The following MBOAT2 variants were observed in gnomAD, a reference collection of about 807,000 sequenced individuals.
MBOAT2 encodes the protein membrane-bound glycerophospholipid O-acyltransferase 2.
Under a neutral mutation model 63.4 loss-of-function variants are expected in MBOAT2, and 28 were observed. The observed-to-expected ratio is 0.44, with a 90% confidence interval of 0.33 to 0.61. MBOAT2 has a LOEUF of 0.61. Among genes scored for constraint, MBOAT2 ranks in the 20% least tolerant of loss-of-function variants. MBOAT2 has a pLI of 0.03. For synonymous variants in MBOAT2, 211 were observed against 215.6 expected, an observed-to-expected ratio of 0.98 and a Z score of 0.19; for missense variants, 470 against 605.8, an observed-to-expected ratio of 0.78 and a Z score of 2.35.
chr2:8,975,991 G>A (rs1304813589), intron 1 of MBOAT2, among the ~76,000 whole-genome samples: 2 of 151,984 alleles, frequency 1.3e-5, no homozygotes, highest in African/African-American at 2.4e-5. Context: ...AAGAAGCCCT[G>A]TTCTGCAGGA....
chr2:8,922,138 A>G (rs551711531), intron 3 of MBOAT2, among the ~76,000 whole-genome samples: 2 of 152,246 alleles, frequency 1.3e-5, no homozygotes, highest in African/African-American at 2.4e-5. Flanking sequence ...TGCTTTGGCC[A>G]TTGCAAATCA....
intron 3 of MBOAT2, among the ~76,000 whole-genome samples, chr2:8,940,417 G>A (rs141787442): frequency 1.4e-4 from 22 of 151,956 alleles, no homozygotes; most frequent in African/African-American, 5.1e-4. Context: ...TCAAGCTCCC[G>A]AGTAGCTGGG....
chr2:8,871,105 C>T (rs969160349), intron 8 of MBOAT2, among the ~76,000 whole-genome samples: 2 of 152,140 alleles, frequency 1.3e-5, no homozygotes, highest in African/African-American at 4.8e-5. Flanking sequence ...AGCGGTACTC[C>T]CACCTCAGAC....
chr2:8,893,522 A>ACAG (rs1664175534), intron 4 of MBOAT2, among the ~76,000 whole-genome samples: 1 of 152,260 alleles, frequency 6.6e-6, no homozygotes, highest in Non-Finnish European at 1.5e-5. Context: ...GAGACACAGC[A>ACAG]GATGTTTAAT....
intron 1 of MBOAT2, among the ~76,000 whole-genome samples, chr2:8,970,650 G>A (rs1180914247): frequency 9.2e-5 from 14 of 151,782 alleles, no homozygotes; most frequent in Admixed American, 8.5e-4. Context: ...AGAAATGAGA[G>A]AAGAATCAAA....
Position 8,873,236 on chromosome 2 carries a change from G to A in MBOAT2, c.755C>T (p.Thr252Ile). The A allele has an allele frequency of 6.2e-6, 10 of 1,614,196 alleles. No homozygotes were observed. Among genetic ancestry groups the A allele is most frequent in the Non-Finnish European group, 8.5e-6 (10 of 1,180,008 alleles). ...LSLLFHLTIC[T>I]TLPVEYNIDE... ...AATGTTGTACTCCACAGGTAATGTT[G>A]TACAGATGGTCAAGTGAAATAACAA... is the stretch of plus-strand genomic sequence containing the variant. The change falls in exon 8 of 13, where the codon ACA (threonine) becomes ATA (isoleucine). Residue 252 changes from threonine (T) to isoleucine (I), a missense_variant. Physicochemically the swap from Thr to Ile is moderately conservative, Grantham distance 89. Coordinates refer to ENST00000305997, the MANE Select transcript of MBOAT2 (RefSeq NM_138799.4).
chr2:8,920,542 A>C (rs550810328), intron 3 of MBOAT2, among the ~76,000 whole-genome samples: 5 of 150,438 alleles, frequency 3.3e-5, no homozygotes, highest in Non-Finnish European at 5.9e-5. Context: ...CTTTTAGGAA[A>C]AGCTTATCAA....
At chr2:8,899,676 T>C (rs1281403850) in intron 4 of MBOAT2, among the ~76,000 whole-genome samples, 1 of 152,218 alleles carries the variant, frequency 6.6e-6, no homozygotes, top group African/African-American at 2.4e-5. Context: ...TTGTTTCTCA[T>C]TGGACAATCT....
chr2:8,894,814 G>A (rs1664308071), intron 4 of MBOAT2, among the ~76,000 whole-genome samples: 1 of 152,216 alleles, frequency 6.6e-6, no homozygotes, highest in Non-Finnish European at 1.5e-5. Context: ...GCTGACTTCA[G>A]GAGTGAAGCT....
intron 1 of MBOAT2, among the ~76,000 whole-genome samples, 196 bp from the exon 2 acceptor site, chr2:8,958,838 A>G (rs1455096724): frequency 1.3e-5 from 2 of 152,222 alleles, no homozygotes; most frequent in African/African-American, 2.4e-5. Context: ...ATGCCCACCA[A>G]TACTGTCTCT....
chr2:9,002,759 C>A (rs1231235224), intron 1 of MBOAT2, among the ~76,000 whole-genome samples: 2 of 152,160 alleles, frequency 1.3e-5, no homozygotes, highest in Admixed American at 1.3e-4. Flanking sequence ...GCCCTTTAAA[C>A]CATCAAACTC....
chr2:8,975,879 T>G (rs1670781999), intron 1 of MBOAT2, among the ~76,000 whole-genome samples: 1 of 151,920 alleles, frequency 6.6e-6, no homozygotes, highest in Non-Finnish European at 1.5e-5. Context: ...GTAGAGAGAT[T>G]TATTTGGCAT....
intron 4 of MBOAT2, 118 bp from the exon 5 acceptor site, chr2:8,888,191 TA>T: frequency 7.7e-6 from 7 of 906,972 alleles, no homozygotes; most frequent in East Asian, 2.6e-5. Context: ...ATTTTTAACA[TA>T]AAAAAGACCT....
intron 6 of MBOAT2, 30 bp downstream of exon 6, chr2:8,882,481 C>T: frequency 6.2e-7 from 1 of 1,612,538 alleles, no homozygotes; most frequent in Non-Finnish European, 8.5e-7. Context: ...GCGCAGGAAG[C>T]ATGGCAGAAT....
intron 3 of MBOAT2, among the ~76,000 whole-genome samples, chr2:8,941,446 G>A (rs1035037651): frequency 6.6e-6 from 1 of 152,142 alleles, no homozygotes; most frequent in Non-Finnish European, 1.5e-5. Flanking sequence ...TGACAGAAAT[G>A]TTCTCTATCT....
intron 3 of MBOAT2, among the ~76,000 whole-genome samples, chr2:8,910,963 G>A (rs1665670254): frequency 6.6e-6 from 1 of 152,192 alleles, no homozygotes; most frequent in Non-Finnish European, 1.5e-5. Context: ...AGAGCTCAGA[G>A]GATGAAGCCA....
chr2:8,951,990 T>G (rs1355951784), intron 2 of MBOAT2, among the ~76,000 whole-genome samples: 1 of 152,234 alleles, frequency 6.6e-6, no homozygotes, highest in Non-Finnish European at 1.5e-5. Context: ...TGTTCTCGTT[T>G]TTCTAGTTCC....
chr2:8,881,680 C>T (rs1338560371), intron 6 of MBOAT2, among the ~76,000 whole-genome samples: 1 of 152,074 alleles, frequency 6.6e-6, no homozygotes, highest in Admixed American at 6.5e-5. Flanking sequence ...GAAAGCTACT[C>T]AAGTGTCTAT....
chr2:8,953,325 C>G (rs1668975260), intron 2 of MBOAT2, among the ~76,000 whole-genome samples: 1 of 152,172 alleles, frequency 6.6e-6, no homozygotes, highest in Admixed American at 6.5e-5. Flanking sequence ...TGATGGGGTT[C>G]CCTTTGTATA....
Sources: allele counts gnomAD v4.1 joint callset (sites outside exome capture counted in the v4.1 genomes callset), GRCh38; gene constraint gnomAD v4.1.1; transcripts MANE v1.5; gene names NCBI Gene and HGNC (gene_info 2026-07-23, HGNC 2026-07-21).